Variants in VPS35L observed in about 807,000 individuals in gnomAD.
The protein encoded by VPS35L is VPS35 endosomal protein sorting factor like.
VPS35L carries 83 observed loss-of-function variants against 133.0 expected under a neutral mutation model. The observed-to-expected ratio is 0.62, with a 90% CI of 0.52 to 0.75. VPS35L has a LOEUF of 0.75. Ranked by LOEUF, VPS35L falls within the 30% of genes least tolerant of loss-of-function variation. VPS35L has a pLI of 0.00. For synonymous variants in VPS35L, 423 were observed against 449.9 expected, an observed-to-expected ratio of 0.94 and a Z score of 0.76; for missense variants, 1,083 against 1,206.8, an observed-to-expected ratio of 0.90 and a Z score of 1.52.
chr16:19,583,450 C>G (rs1377944981), intron 7 of VPS35L, among the ~76,000 whole-genome samples: 1 of 152,070 alleles, frequency 6.6e-6, no homozygotes, highest in African/African-American at 2.4e-5. Context: ...TATTTTGATA[C>G]ATGTATCCCG....
chr16:19,680,919 C>CA (rs1323683152), intron 27 of VPS35L, among the ~76,000 whole-genome samples: 5 of 140,126 alleles, frequency 3.6e-5, no homozygotes, highest in African/African-American at 1.4e-4. Context: ...AACCCGCCCC[C>CA]CCCCTAAAAA....
At chr16:19,590,635 C>A (rs1224517295) in intron 7 of VPS35L, among the ~76,000 whole-genome samples, 1 of 152,032 alleles carries the variant, frequency 6.6e-6, no homozygotes, top group Non-Finnish European at 1.5e-5. Context: ...AAATAGCAGA[C>A]GAGTACTCAA....
intron 27 of VPS35L, among the ~76,000 whole-genome samples, chr16:19,677,565 G>A (rs949775621): frequency 1.3e-5 from 2 of 152,172 alleles, no homozygotes; most frequent in African/African-American, 2.4e-5. Context: ...AGGACACAGC[G>A]TGGGTGAAAT....
At position 19,647,899 on chromosome 16, in the gene VPS35L, A is replaced by G. The variant is rs1475726967; in HGVS notation, c.2028+17A>G. 6.4e-7 allele frequency: 1 copy of G among 1,570,888 alleles called. No homozygotes were observed. The highest frequency in any genetic ancestry group is 1.1e-5 in the South Asian group (1 of 90,012). The stretch of plus-strand genomic sequence containing the variant: ...TTGATTCATGTAAGTATTTTCATTC[A>G]TTAGTTTCTTCTCTCAGTAAATATT... On this transcript the variant is annotated intron_variant, in intron 24 of 30. Coordinates refer to ENST00000417362, the MANE Select transcript of VPS35L (RefSeq NM_020314.7).
chr16:19,567,767 G>A (rs886494324), intron 2 of VPS35L, among the ~76,000 whole-genome samples: 1 of 152,024 alleles, frequency 6.6e-6, no homozygotes, highest in Non-Finnish European at 1.5e-5. Context: ...CCAGGAGTTC[G>A]AGAACAGCCT....
chr16:19,639,899 T>C lies in VPS35L; in HGVS notation c.1699-116T>C. The C allele has an allele frequency of 1.2e-6, 1 of 849,836 alleles. No homozygotes were observed. The highest frequency in any genetic ancestry group is 1.8e-6 in the Non-Finnish European group (1 of 541,710). 52.6% of individuals were successfully genotyped at this position (849,836 alleles called of 1,614,324 possible). A position where few individuals can be genotyped will look rare whatever the true frequency, so the allele number is the denominator to read the frequency against. ...CAGAGGAGTCCTCATCTGACCCGAC[T>C]CAGAGAGATGAACCTCTGTTCTGCT... On this transcript the variant is annotated intron_variant, in intron 20 of 30. Transcript: ENST00000417362. The surrounding 1 kb of genome is among the most constrained non-coding windows in gnomAD (Gnocchi z 4.1).
chr16:19,691,410 A>G lies in VPS35L; in HGVS notation c.2585A>G (p.Lys862Arg). 1 of 1,614,066 alleles carries G rather than the reference A, an allele frequency of 6.2e-7. No individual in the cohort carries two copies. The highest frequency in any genetic ancestry group is 1.1e-5 in the South Asian group (1 of 91,084). ...TCCAAGTTCCTGGCAGAAAACAACA[A>G]GCTGTGTGAGACGGTGATGGCTCAG... ...GDSKFLAENN[K>R]LCETVMAQIL... The change falls in exon 29 of 31, where the codon AAG becomes AGG. Residue 862 changes from lysine to arginine, a missense_variant. By Grantham distance (26) the Lys-to-Arg change is conservative (BLOSUM62 2). Coordinates refer to ENST00000417362, the MANE Select transcript of VPS35L (RefSeq NM_020314.7).
At chr16:19,660,608 T>A (rs1974452340) in intron 26 of VPS35L, among the ~76,000 whole-genome samples, 1 of 152,228 alleles carries the variant, frequency 6.6e-6, no homozygotes, top group Admixed American at 6.5e-5. Flanking sequence ...GGTTATCACT[T>A]CTTGACTGTC....
rs549949684 is a variant in VPS35L, at chr16:19,692,763, A to G, written c.2646+1292A>G. On this transcript the variant is annotated intron_variant, in intron 29 of 30. Coordinates refer to ENST00000417362, the MANE Select transcript of VPS35L (RefSeq NM_020314.7). ...TTTTTAGTAGAGATGGGGTTTCACC[A>G]TATTAGCCAGGCTGGTCTCGAATTC... 3.3e-5 allele frequency among the ~76,000 whole-genome samples: 5 copies of G among 152,234 alleles called. 1 individual carries two copies. The South Asian group carries it at 6.2e-4, about 19-fold the overall frequency.
At chr16:19,613,871 G>T (rs116699248) in intron 12 of VPS35L, among the ~76,000 whole-genome samples, 1 of 152,160 alleles carries the variant, frequency 6.6e-6, no homozygotes, top group Non-Finnish European at 1.5e-5. Flanking sequence ...ACCAGCAATG[G>T]GGGGGATGAA....
At chr16:19,573,378 T>A (rs1971442468) in intron 4 of VPS35L, 137 bp downstream of exon 4, 3 of 991,294 alleles carry the variant, frequency 3.0e-6, no homozygotes, top group Non-Finnish European at 4.3e-6. Context: ...AGCTCACATA[T>A]AAGGCTTCAT....
chr16:19,557,594 G>A (rs990333887), intron 1 of VPS35L, among the ~76,000 whole-genome samples: 36 of 151,966 alleles, frequency 2.4e-4, no homozygotes, highest in African/African-American at 8.5e-4. Context: ...TGTTGGCCAG[G>A]CTGGTCTCGA....
chr16:19,615,592 G>A (rs1258534152), intron 12 of VPS35L, among the ~76,000 whole-genome samples: 2 of 151,962 alleles, frequency 1.3e-5, no homozygotes, highest in Non-Finnish European at 2.9e-5. Flanking sequence ...GGAGGTTGCA[G>A]TGAGCCAAGA....
intron 28 of VPS35L, 111 bp downstream of exon 28, chr16:19,682,501 G>A (rs1975319715): frequency 8.4e-7 from 1 of 1,196,966 alleles, no homozygotes; most frequent in Non-Finnish European, 1.2e-6. Context: ...TAGCTTCCAT[G>A]AACTTCTAGT....
At position 19,653,021 on chromosome 16, in the gene VPS35L, C is replaced by T. The variant is rs182388599; in HGVS notation, c.2221+931C>T. ...AATAGGAACCATTGAACAGGTCGTT[C>T]CTGTGGGCAGCTGAAGCTCATTCCC... On this transcript the variant is annotated intron_variant, in intron 26 of 30. Coordinates refer to ENST00000417362, the MANE Select transcript of VPS35L (RefSeq NM_020314.7). 2.6e-4 allele frequency among the ~76,000 whole-genome samples: 39 copies of T among 152,296 alleles called. 1 individual carries two copies. The highest frequency in any genetic ancestry group is 1.2e-3 in the Admixed American group (19 of 15,282).
rs996788389 is a variant in VPS35L at position 19,677,662 on chromosome 16, C to A, written c.2362-4563C>A. 6.6e-5 allele frequency among the ~76,000 whole-genome samples: 10 copies of A among 152,258 alleles called. No homozygotes were observed. In the East Asian group the frequency reaches 1.9e-3, roughly 29 times the overall value. On this transcript the variant is annotated intron_variant, in intron 27 of 30. Transcript: ENST00000417362. ...ACATCAGGAGGGCACAGGGGATGCC[C>A]GAGCTGCTGGTGAGACAGACAGGAC...
chr16:19,613,902 C>T (rs1181009108), intron 12 of VPS35L, among the ~76,000 whole-genome samples: 4 of 152,164 alleles, frequency 2.6e-5, no homozygotes, highest in Non-Finnish European at 5.9e-5. Context: ...GCCGAAACAG[C>T]AGATGGGAAT....
intron 2 of VPS35L, 102 bp downstream of exon 2, chr16:19,565,052 C>A: frequency 4.7e-6 from 4 of 843,050 alleles, no homozygotes; most frequent in Non-Finnish European, 5.5e-6. Flanking sequence ...GCCACTTTTG[C>A]ATATTTGATT....
intron 15 of VPS35L, among the ~76,000 whole-genome samples, chr16:19,626,459 G>A (rs1354726759): frequency 2.6e-5 from 4 of 152,114 alleles, no homozygotes; most frequent in Admixed American, 2.0e-4. Flanking sequence ...TCTGTAAAAC[G>A]GGAGTAATAA....
Sources: gnomAD v4.1 joint callset for allele counts (sites outside exome capture counted in the v4.1 genomes callset) on GRCh38, gnomAD v4.1.1 for gene constraint, Gnocchi (gnomAD v3.1) non-coding constraint, MANE v1.5 for transcripts, NCBI Gene and HGNC (gene_info 2026-07-23, HGNC 2026-07-21) for gene names.